Variants in CUBN observed in about 807,000 individuals in gnomAD.
CUBN encodes 460 kDa receptor.
A neutral mutation model predicts 405.3 loss-of-function variants in CUBN; 282 were observed. The observed-to-expected ratio is 0.70, with a 90% CI of 0.63 to 0.77. The LOEUF (loss-of-function observed/expected upper bound fraction) is 0.77. Ranked by LOEUF, CUBN falls within the 30% of genes least tolerant of loss-of-function variation. The probability of loss-of-function intolerance (pLI) is 0.00; values close to 1 mark genes in which losing one functional copy is unlikely to be tolerated. For missense variants in CUBN, 4,514 were observed against 4,475.2 expected, an observed-to-expected ratio of 1.01 and a Z score of -0.25; for synonymous variants, 1,684 against 1,617.0, an observed-to-expected ratio of 1.04 and a Z score of -0.99.
At chr10:16,877,314 C>T (rs980905689) in intron 56 of CUBN, among the ~76,000 whole-genome samples, 2 of 152,176 alleles carry the variant, frequency 1.3e-5, no homozygotes, top group Non-Finnish European at 2.9e-5. Context: ...TCACAGTAGA[C>T]ACTTTCCACC....
intron 27 of CUBN, among the ~76,000 whole-genome samples, chr10:17,020,824 A>G (rs552806564): frequency 2.6e-5 from 4 of 152,148 alleles, no homozygotes; most frequent in Non-Finnish European, 5.9e-5. Context: ...GATATTTCCA[A>G]TCTTTTGCTG....
chr10:16,988,775 A>G (rs1000117887), intron 29 of CUBN, among the ~76,000 whole-genome samples: 2 of 152,134 alleles, frequency 1.3e-5, no homozygotes, highest in African/African-American at 4.8e-5. Flanking sequence ...CTCAGGATTT[A>G]CTGGAGTGTT....
chr10:16,930,065 A>G (rs540514424), intron 40 of CUBN, among the ~76,000 whole-genome samples: 41 of 152,300 alleles, frequency 2.7e-4, no homozygotes, highest in African/African-American at 9.4e-4. Flanking sequence ...GAGCCTTCCA[A>G]AACCTCAACA....
At chr10:17,119,391 G>T (rs1836981317) in intron 6 of CUBN, among the ~76,000 whole-genome samples, 1 of 152,224 alleles carries the variant, frequency 6.6e-6, no homozygotes, top group Non-Finnish European at 1.5e-5. Context: ...TGGGCACGGT[G>T]GCTCACGCCT....
In CUBN at chr10:17,117,933, G is replaced by A. The variant is rs139134980; in HGVS notation, c.594-2336C>T. Among the ~76,000 whole-genome samples the A allele has an allele frequency of 5.4e-3, 818 of 152,240 alleles. 11 individuals are homozygous for A. Among genetic ancestry groups the A allele is most frequent in the African/African-American group, 0.019 (789 of 41,536 alleles). Reference sequence around the variant, plus strand: ...AATCTCTGTGAATTATGGTCATATTGCAGTCTACAGGCATTCCCCTGTAGC... The same window carrying A: ...AATCTCTGTGAATTATGGTCATATTACAGTCTACAGGCATTCCCCTGTAGC... On this transcript the variant is annotated intron_variant, in intron 6 of 66. Coordinates refer to ENST00000377833, the MANE Select transcript of CUBN (RefSeq NM_001081.4).
intron 59 of CUBN, among the ~76,000 whole-genome samples, chr10:16,855,589 C>G (rs1301206922): frequency 6.6e-6 from 1 of 152,100 alleles, no homozygotes; most frequent in East Asian, 1.9e-4. Flanking sequence ...GCAAGCTAGT[C>G]CGTGGACCCA....
At chr10:16,835,273 A>G in intron 63 of CUBN, 78 bp from the exon 64 acceptor site, 2 of 1,231,456 alleles carry the variant, frequency 1.6e-6, no homozygotes, top group South Asian at 2.4e-5. Flanking sequence ...AATCATTCAA[A>G]AAGATCATTG....
chr10:17,030,904 G>A (rs1834772718), intron 27 of CUBN, among the ~76,000 whole-genome samples: 1 of 152,022 alleles, frequency 6.6e-6, no homozygotes, highest in African/African-American at 2.4e-5. Flanking sequence ...GGGCGACAGA[G>A]TAAGACTCTG....
chr10:17,128,838 C>T (rs926970385), intron 2 of CUBN, among the ~76,000 whole-genome samples: 1 of 151,996 alleles, frequency 6.6e-6, no homozygotes, highest in African/African-American at 2.4e-5. Flanking sequence ...TTTGATAGAC[C>T]AGTAGGGTGA....
At chr10:16,911,794 AAT>A (rs1261056160) in intron 48 of CUBN, among the ~76,000 whole-genome samples, 10 of 152,242 alleles carry the variant, frequency 6.6e-5, no homozygotes, top group Non-Finnish European at 1.2e-4. Flanking sequence ...TAGAATTAAA[AAT>A]ATCTTTATAT....
chr10:16,870,082 G>T (rs552736094), intron 58 of CUBN, among the ~76,000 whole-genome samples: 1 of 152,298 alleles, frequency 6.6e-6, no homozygotes, highest in Admixed American at 6.5e-5. Flanking sequence ...AGCAGCTGGG[G>T]ATGTCAAAGT....
chr10:17,042,115 C>A (rs1835034214), intron 26 of CUBN, among the ~76,000 whole-genome samples: 1 of 152,132 alleles, frequency 6.6e-6, no homozygotes, highest in South Asian at 2.1e-4. Context: ...GGGTAGAACA[C>A]CATTTATAAC....
intron 40 of CUBN, among the ~76,000 whole-genome samples, chr10:16,931,764 G>GA (rs1395945086): frequency 6.6e-6 from 1 of 152,086 alleles, no homozygotes; most frequent in Non-Finnish European, 1.5e-5. Flanking sequence ...AGCCACACAG[G>GA]AAAAAAGGAC....
At position 17,068,006 on chromosome 10, in the gene CUBN, C is replaced by T. The variant is rs1835650478; in HGVS notation, c.3008+58G>A. The T allele has an allele frequency of 5.7e-6, 8 of 1,408,716 alleles. No homozygotes were observed. The South Asian group carries it at 8.2e-5, about 14-fold the overall frequency. The allele number at this position is 1,408,716 out of a possible 1,614,324, so 87.3% of individuals were successfully genotyped here. On this transcript the variant is annotated intron_variant, in intron 21 of 66. Transcript: ENST00000377833. ...ACGTGGTCAATTTTAAGATCCTTCA[C>T]TGAAGCAGGAAATCAGTGAAGTTTT... is the stretch of plus-strand genomic sequence containing the variant.
intron 17 of CUBN, among the ~76,000 whole-genome samples, chr10:17,076,923 T>C (rs1308513106): frequency 2.6e-5 from 4 of 152,226 alleles, no homozygotes; most frequent in African/African-American, 7.2e-5. Flanking sequence ...TGGTTTGTTA[T>C]TGTTTTTGAT....
chr10:17,120,968 ATCC>A (rs1417335821), intron 6 of CUBN, among the ~76,000 whole-genome samples: 4 of 152,180 alleles, frequency 2.6e-5, no homozygotes, highest in Non-Finnish European at 5.9e-5. Context: ...CTATGTAGCA[ATCC>A]TCCTTGATAA....
At chr10:17,119,192 T>C (rs113438076) in intron 6 of CUBN, among the ~76,000 whole-genome samples, 1 of 152,230 alleles carries the variant, frequency 6.6e-6, no homozygotes, top group African/African-American at 2.4e-5. Context: ...AATCTACCAG[T>C]GATATGAATG....
chr10:17,053,074 A>G lies in CUBN; in HGVS notation c.3140-5471T>C, dbSNP rs1229481629. On this transcript the variant is annotated intron_variant, in intron 22 of 66. Transcript: ENST00000377833. The stretch of plus-strand genomic sequence containing the variant: ...ATATTTTTAGACCTAATGTAAAAAT[A>G]CAAAAAAAAAGGTATCATTAAAAAG... 4.6e-5 allele frequency among the ~76,000 whole-genome samples: 7 copies of G among 152,026 alleles called. No homozygotes were observed. The East Asian group carries it at 1.2e-3, about 25-fold the overall frequency.
chr10:16,996,143 A>G (rs112898232), intron 28 of CUBN, among the ~76,000 whole-genome samples: 22 of 152,334 alleles, frequency 1.4e-4, no homozygotes, highest in African/African-American at 4.6e-4. Flanking sequence ...TCCACTGAAG[A>G]CAATCACCAT....
Sources: allele counts gnomAD v4.1 joint callset (sites outside exome capture counted in the v4.1 genomes callset), GRCh38; gene constraint gnomAD v4.1.1; transcripts MANE v1.5; gene names NCBI Gene and HGNC (gene_info 2026-07-23, HGNC 2026-07-21).